Variants in DLC1 observed in about 807,000 individuals in gnomAD.
The protein encoded by DLC1 is rho GTPase-activating protein 7.
Under a neutral mutation model 140.3 loss-of-function variants are expected in DLC1, and 54 were observed. The observed-to-expected ratio is 0.38, with a 90% CI of 0.31 to 0.48. The LOEUF (loss-of-function observed/expected upper bound fraction) is 0.48, where lower values mean the gene tolerates loss of function less well. Ranked by LOEUF, DLC1 falls within the 20% of genes least tolerant of loss-of-function variation. The pLI is 0.96. For synonymous variants in DLC1, 986 were observed against 728.1 expected (o/e 1.35, Z -5.70); for missense variants, 2,536 against 1,907.0 (o/e 1.33, Z -6.14).
intron 1 of DLC1, among the ~76,000 whole-genome samples, chr8:13,578,970 T>G (rs1034117173): frequency 9.2e-5 from 14 of 151,808 alleles, no homozygotes; most frequent in Non-Finnish European, 5.9e-5. Context: ...AACGTTTTAT[T>G]ACAGGTTGGT....
intron 5 of DLC1, among the ~76,000 whole-genome samples, chr8:13,281,091 T>C (rs1175372615): frequency 6.6e-6 from 1 of 152,204 alleles, no homozygotes; most frequent in Non-Finnish European, 1.5e-5. Flanking sequence ...GTCTAAATGG[T>C]TTCTGTTCAT....
chr8:13,502,785 A>G (rs1015608368), intron 1 of DLC1, among the ~76,000 whole-genome samples: 3 of 152,178 alleles, frequency 2.0e-5, no homozygotes, highest in Admixed American at 6.5e-5. Context: ...AATCCTATTC[A>G]TGCAGTTTCA....
chr8:13,572,996 T>C (rs1804715718), intron 1 of DLC1, among the ~76,000 whole-genome samples: 1 of 152,198 alleles, frequency 6.6e-6, no homozygotes, highest in African/African-American at 2.4e-5. Flanking sequence ...TAGGTTTTTC[T>C]ATTTCTGTAA....
chr8:13,109,985 T>C (rs1819940143), intron 7 of DLC1, among the ~76,000 whole-genome samples: 1 of 152,036 alleles, frequency 6.6e-6, no homozygotes, highest in South Asian at 2.1e-4. Flanking sequence ...CCTATGTGAG[T>C]TTTGTCTGTG....
intron 5 of DLC1, among the ~76,000 whole-genome samples, chr8:13,119,823 T>C (rs1820884327): frequency 6.6e-6 from 1 of 151,812 alleles, no homozygotes; most frequent in Non-Finnish European, 1.5e-5. Context: ...GCTTTCTGCC[T>C]GTATTCGCAG....
chr8:13,539,436 G>A (rs1352223697), intron 1 of DLC1, among the ~76,000 whole-genome samples: 12 of 151,992 alleles, frequency 7.9e-5, no homozygotes, highest in African/African-American at 2.9e-4. Context: ...TCCTGACCTC[G>A]TGATCCGTCC....
At chr8:13,164,873 A>G (rs1824986657) in intron 5 of DLC1, among the ~76,000 whole-genome samples, 2 of 152,212 alleles carry the variant, frequency 1.3e-5, no homozygotes, top group African/African-American at 4.8e-5. Context: ...TGTGATGGTT[A>G]TGAAATGGAA....
chr8:13,294,539 A>T (rs1471261683), intron 5 of DLC1, among the ~76,000 whole-genome samples: 1 of 152,116 alleles, frequency 6.6e-6, no homozygotes, highest in Non-Finnish European at 1.5e-5. Flanking sequence ...TAGGGTAGAT[A>T]ATTTCTGGAA....
chr8:13,310,152 T>G (rs1832615068), intron 4 of DLC1, among the ~76,000 whole-genome samples: 5 of 152,196 alleles, frequency 3.3e-5, no homozygotes. Flanking sequence ...TGAAGCAAAT[T>G]TATTTTTTTG....
chr8:13,388,549 T>C (rs917694381), intron 4 of DLC1, among the ~76,000 whole-genome samples: 16 of 152,154 alleles, frequency 1.1e-4, no homozygotes, highest in South Asian at 8.3e-4. Flanking sequence ...TAATAATTAC[T>C]AATTTGGTTC....
chr8:13,143,864 C>G (rs1325526390), intron 5 of DLC1, among the ~76,000 whole-genome samples: 2 of 124,084 alleles, frequency 1.6e-5, no homozygotes, highest in Admixed American at 8.2e-5. Context: ...CATAGACATG[C>G]CAAGGTTTTC....
intron 2 of DLC1, among the ~76,000 whole-genome samples, chr8:13,465,347 C>T (rs1290555845): frequency 1.3e-5 from 2 of 152,018 alleles, no homozygotes; most frequent in Non-Finnish European, 2.9e-5. Flanking sequence ...ATTATTGTAT[C>T]AGTTATATTG....
chr8:13,544,027 A>C (rs1393213714), intron 1 of DLC1, among the ~76,000 whole-genome samples: 1 of 152,166 alleles, frequency 6.6e-6, no homozygotes, highest in African/African-American at 2.4e-5. Flanking sequence ...AAAAATAAAA[A>C]TGAACAATTT....
intron 5 of DLC1, among the ~76,000 whole-genome samples, chr8:13,121,859 G>A (rs1020683461): frequency 3.0e-4 from 45 of 152,068 alleles, no homozygotes; most frequent in African/African-American, 1.0e-3. Context: ...TGGCCAGGGA[G>A]CTTTTTAAAA....
chr8:13,420,693 A>G (rs1838277958), intron 2 of DLC1, among the ~76,000 whole-genome samples: 1 of 152,074 alleles, frequency 6.6e-6, no homozygotes, highest in East Asian at 1.9e-4. Context: ...GCTGAGAATG[A>G]TGGCTTCCAG....
intron 5 of DLC1, among the ~76,000 whole-genome samples, chr8:13,144,917 A>AATAAC (rs1319434799): frequency 2.0e-5 from 3 of 152,226 alleles, no homozygotes; most frequent in Non-Finnish European, 4.4e-5. Context: ...CCATGAGCAA[A>AATAAC]ATAACTGATT....
intron 1 of DLC1, among the ~76,000 whole-genome samples, chr8:13,581,535 T>A (rs1014268844): frequency 6.6e-6 from 1 of 152,216 alleles, no homozygotes; most frequent in Non-Finnish European, 1.5e-5. Flanking sequence ...ATTTTCTTCA[T>A]CCAAGATTTA....
intron 2 of DLC1, among the ~76,000 whole-genome samples, chr8:13,496,631 G>T (rs1801516976): frequency 6.6e-6 from 1 of 151,204 alleles, no homozygotes. Flanking sequence ...TTAAGATTTG[G>T]CTGTCTATAC....
chr8:13,461,874 G>T (rs1322951001), intron 2 of DLC1, among the ~76,000 whole-genome samples: 1 of 152,148 alleles, frequency 6.6e-6, no homozygotes, highest in Non-Finnish European at 1.5e-5. Context: ...CAGTATTTGA[G>T]GATGCAGCCT....
Sources: allele counts gnomAD v4.1 joint callset (sites outside exome capture counted in the v4.1 genomes callset), GRCh38; gene constraint gnomAD v4.1.1; transcripts MANE v1.5; gene names NCBI Gene and HGNC (gene_info 2026-07-23, HGNC 2026-07-21).